COL21A1: variants seen among roughly 807,000 people sequenced by gnomAD.
The protein encoded by COL21A1 is collagen alpha-1(XXI) chain.
In COL21A1, 149 loss-of-function variants were observed where a neutral mutation model predicts 137.9. That is an observed-to-expected ratio of 1.08 (90% CI 0.95 to 1.24). COL21A1 has a LOEUF of 1.24. Among genes scored for constraint, COL21A1 ranks in the 50% most tolerant of loss-of-function variants. The probability of loss-of-function intolerance (pLI) is 0.00; values close to 1 mark genes in which losing one functional copy is unlikely to be tolerated. For missense variants in COL21A1, 1,167 were observed against 1,158.4 expected, an observed-to-expected ratio of 1.01 and a Z score of -0.11; for synonymous variants, 456 against 391.5, an observed-to-expected ratio of 1.16 and a Z score of -1.95.
intron 10 of COL21A1, among the ~76,000 whole-genome samples, chr6:56,152,096 T>C (rs934603748): frequency 6.6e-6 from 1 of 152,164 alleles, no homozygotes; most frequent in Non-Finnish European, 1.5e-5. Flanking sequence ...GTTTCAGTGG[T>C]CAGAAGTCTG....
intron 23 of COL21A1, among the ~76,000 whole-genome samples, chr6:56,065,675 C>G (rs1282408709): frequency 6.6e-6 from 1 of 151,690 alleles, no homozygotes; most frequent in African/African-American, 2.4e-5. Flanking sequence ...AGGTGAAAGG[C>G]AGGTAGTTTC....
chr6:56,322,725 T>A (rs533060167), intron 1 of COL21A1, among the ~76,000 whole-genome samples: 1 of 152,186 alleles, frequency 6.6e-6, no homozygotes, highest in Admixed American at 6.6e-5. Context: ...GACCCTTATT[T>A]TGTTCTCTGT....
In COL21A1 at chr6:56,170,792, A is replaced by G; in HGVS notation, c.883T>C (p.Trp295Arg). Residue 295 changes from tryptophan to arginine, a missense_variant, in exon 5 of 30, where the codon TGG becomes CGG. Physicochemically the swap from Trp to Arg is moderately radical, Grantham distance 101. Transcript: ENST00000244728. ...ATAGTTAATATTCTCCATAAATCCCAAATTTTCTTGACTTTAAATCTTTGA... is the reference window on the plus strand; with the variant it reads ...ATAGTTAATATTCTCCATAAATCCCGAATTTTCTTGACTTTAAATCTTTGA... ...STQRFKVKKI[W>R]DLWRILTIDG... The G allele has an allele frequency of 6.2e-7, 1 of 1,610,026 alleles. No homozygotes were observed. Among genetic ancestry groups the G allele is most frequent in the Non-Finnish European group, 8.5e-7 (1 of 1,177,466 alleles).
chr6:56,067,904 A>C (rs112295505), intron 22 of COL21A1, among the ~76,000 whole-genome samples: 2,182 of 151,776 alleles, frequency 0.014, 21 homozygotes, highest in Middle Eastern at 0.034. Context: ...TGAAACAGCC[A>C]GTTAAGCACC....
chr6:56,322,402 C>CT (rs1440394117), intron 1 of COL21A1, among the ~76,000 whole-genome samples: 2 of 152,100 alleles, frequency 1.3e-5, no homozygotes, highest in Non-Finnish European at 2.9e-5. Flanking sequence ...GTCTCAACAA[C>CT]TTTTTGCAGG....
At chr6:56,351,388 C>T (rs1169356590) in intron 1 of COL21A1, among the ~76,000 whole-genome samples, 2 of 152,210 alleles carry the variant, frequency 1.3e-5, no homozygotes, top group African/African-American at 4.8e-5. Flanking sequence ...CCAGCTTCTC[C>T]TAAGGGCAGG....
chr6:56,169,523 A>G (rs1381409527), intron 5 of COL21A1, among the ~76,000 whole-genome samples: 6 of 151,898 alleles, frequency 4.0e-5, no homozygotes, highest in Admixed American at 3.9e-4. Flanking sequence ...ACACCTAGAT[A>G]GCTTTTTCTT....
At chr6:56,268,971 A>G (rs1763459201) in intron 1 of COL21A1, among the ~76,000 whole-genome samples, 1 of 152,224 alleles carries the variant, frequency 6.6e-6, no homozygotes, top group Admixed American at 6.5e-5. Context: ...AGAATTTCAT[A>G]ATACAATTGG....
At chr6:56,167,007 T>A (rs746861511) in intron 6 of COL21A1, 24 bp from the exon 7 acceptor site, 10 of 1,577,638 alleles carry the variant, frequency 6.3e-6, no homozygotes, top group Non-Finnish European at 8.7e-6. Context: ...CCCAGTAGAA[T>A]TAAAGTTGAG....
At chr6:56,086,729 C>T (rs754125534) in intron 17 of COL21A1, among the ~76,000 whole-genome samples, 4 of 151,976 alleles carry the variant, frequency 2.6e-5, no homozygotes, top group Non-Finnish European at 5.9e-5. Flanking sequence ...AATTTCTGCC[C>T]GATTTTTTGC....
rs146878006 is a variant in COL21A1, at chr6:56,143,853, C to T, written c.1435-1870G>A. Among the ~76,000 whole-genome samples, 66 of 152,206 alleles carry T rather than the reference C, an allele frequency of 4.3e-4. No homozygotes were observed. The East Asian group carries it at 0.012, about 28-fold the overall frequency. On this transcript the variant is annotated intron_variant, in intron 10 of 29. Coordinates refer to ENST00000244728, the MANE Select transcript of COL21A1 (RefSeq NM_030820.4). ...CTTTGGCACACTTCTGTTGATAGAA[C>T]ATTGGAATAATTTAAAGTCATCAAC...
rs752826681 is a variant in COL21A1 at position 56,061,007 on chromosome 6, C to T, written c.2236G>A (p.Gly746Ser). The T allele has an allele frequency of 2.5e-6, 4 of 1,609,556 alleles. No individual in the cohort carries two copies. The South Asian group carries it at 4.4e-5, about 18-fold the overall frequency. ...RGEKGEPGVR[G>S]AIGSKGESGV... ...GATTCTCCTTTTGATCCAATGGCAC[C>T]TCGGACACCAGGTTCTCCCTTTTCA... The change falls in exon 26 of 30, where the codon GGT becomes AGT. Residue 746 changes from glycine (G) to serine (S), a missense_variant. Transcript: ENST00000244728.
At chr6:56,196,406 T>C (rs1779028381) in intron 1 of COL21A1, among the ~76,000 whole-genome samples, 1 of 152,008 alleles carries the variant, frequency 6.6e-6, no homozygotes, top group Non-Finnish European at 1.5e-5. Flanking sequence ...GGCATCCAAA[T>C]TGGAAAGGAA....
intron 1 of COL21A1, among the ~76,000 whole-genome samples, chr6:56,386,987 G>A (rs2094019420): frequency 6.6e-6 from 1 of 152,216 alleles, no homozygotes; most frequent in Admixed American, 6.5e-5. Flanking sequence ...ATGGCCTAGA[G>A]TGCTTCCCAG....
At chr6:56,317,276 C>A (rs1440084753) in intron 1 of COL21A1, among the ~76,000 whole-genome samples, 1 of 152,130 alleles carries the variant, frequency 6.6e-6, no homozygotes, top group Non-Finnish European at 1.5e-5. Flanking sequence ...AAACTAGAAT[C>A]TCAAAAATGA....
intron 25 of COL21A1, among the ~76,000 whole-genome samples, chr6:56,061,340 A>G (rs1765783670): frequency 6.6e-6 from 1 of 152,184 alleles, no homozygotes; most frequent in Admixed American, 6.5e-5. Flanking sequence ...CCTATTCACA[A>G]GGAGCTTGCA....
intron 14 of COL21A1, 134 bp from the exon 15 acceptor site, chr6:56,124,426 A>G: frequency 1.3e-6 from 1 of 797,200 alleles, no homozygotes; most frequent in East Asian, 2.7e-5. Context: ...ACTCATGTTG[A>G]CTCTGCAAAG....
At chr6:56,101,451 C>T in intron 17 of COL21A1, 21 bp downstream of exon 17, 3 of 1,567,422 alleles carry the variant, frequency 1.9e-6, no homozygotes, top group Non-Finnish European at 2.6e-6. Flanking sequence ...TCTTTTAGAA[C>T]TGAAATGAGA....
chr6:56,207,064 C>T lies in COL21A1; in HGVS notation c.-38-24408G>A, dbSNP rs141320782. Among the ~76,000 whole-genome samples the T allele has an allele frequency of 3.9e-3, 595 of 152,146 alleles. 4 individuals are homozygous for T. The highest frequency in any genetic ancestry group is 0.013 in the African/African-American group (559 of 41,508). On this transcript the variant is annotated intron_variant, in intron 1 of 29. Transcript: ENST00000244728. ...AATGTGTGGAGGGAAATTTATAGCA[C>T]TAAATGCCCACAAGAGGAAGCAGAA...
Sources: allele counts gnomAD v4.1 joint callset (sites outside exome capture counted in the v4.1 genomes callset), GRCh38; gene constraint gnomAD v4.1.1; transcripts MANE v1.5; gene names NCBI Gene and HGNC (gene_info 2026-07-23, HGNC 2026-07-21).